COMMD1: variants seen among roughly 807,000 people sequenced by gnomAD.
COMMD1 encodes the protein copper metabolism domain containing 1.
COMMD1 carries 10 observed loss-of-function variants against 17.2 expected under a neutral mutation model. That is an observed-to-expected ratio of 0.58 (90% CI 0.36 to 0.99). The LOEUF is 0.99. Ranked by LOEUF, COMMD1 falls within the 50% of genes least tolerant of loss-of-function variation. The pLI, the probability that COMMD1 is intolerant of heterozygous loss-of-function variation, is 0.01. For missense variants in COMMD1, 270 were observed against 231.8 expected (o/e 1.17, Z -1.07); for synonymous variants, 97 against 91.6 (o/e 1.06, Z -0.34).
In COMMD1 at chr2:62,132,602, T is replaced by C. The variant is rs1410641125; in HGVS notation, c.463-3229T>C. ...GGCTCACGCCTGTAATCCCAGCTCTTTGAAGGCCAAGGCAGGCAGATCACT... is the reference window on the plus strand; with the variant it reads ...GGCTCACGCCTGTAATCCCAGCTCTCTGAAGGCCAAGGCAGGCAGATCACT... On this transcript the variant is annotated intron_variant, in intron 2 of 2. Transcript: ENST00000311832. Among the ~76,000 whole-genome samples the C allele has an allele frequency of 3.9e-5, 6 of 152,252 alleles. No individual in the cohort carries two copies. In the East Asian group the frequency reaches 5.8e-4, roughly 15 times the overall value.
At chr2:62,021,355 C>T (rs1489319906) in intron 2 of COMMD1, among the ~76,000 whole-genome samples, 1 of 151,286 alleles carries the variant, frequency 6.6e-6, no homozygotes, top group African/African-American at 2.4e-5. Context: ...GTAGACTTGG[C>T]AAAATGAGAG....
chr2:62,019,043 CTCCT>C (rs1201237465), intron 2 of COMMD1, among the ~76,000 whole-genome samples: 2 of 144,722 alleles, frequency 1.4e-5, no homozygotes, highest in African/African-American at 5.3e-5. Context: ...CCCTCCCTCC[CTCCT>C]TCCTTCCTTT....
chr2:61,944,787 C>T (rs1245973679), intron 1 of COMMD1, among the ~76,000 whole-genome samples: 1 of 152,092 alleles, frequency 6.6e-6, no homozygotes. Flanking sequence ...CAAGTGGTGC[C>T]TTTGTTCTGA....
intron 1 of COMMD1, among the ~76,000 whole-genome samples, chr2:61,992,415 A>G (rs1672274273): frequency 6.6e-6 from 1 of 152,168 alleles, no homozygotes. Flanking sequence ...GTCAGATGGG[A>G]CATTGCAAAG....
chr2:61,932,913 A>T (rs1670506000), intron 1 of COMMD1, among the ~76,000 whole-genome samples: 1 of 152,168 alleles, frequency 6.6e-6, no homozygotes. Flanking sequence ...CCAAGTGCCA[A>T]CCAGCTCAGT....
At chr2:62,073,080 C>T (rs535932395) in intron 2 of COMMD1, among the ~76,000 whole-genome samples, 15 of 152,332 alleles carry the variant, frequency 9.8e-5, no homozygotes, top group East Asian at 1.9e-4. Flanking sequence ...CTGTGTGGAC[C>T]GCCACATGGG....
Position 61,955,247 on chromosome 2 carries a change from G to A in COMMD1, c.181-45454G>A, listed in dbSNP as rs188192089. 9.0e-4 allele frequency among the ~76,000 whole-genome samples: 137 copies of A among 151,934 alleles called. 1 individual carries two copies. The Middle Eastern group carries it at 0.01, about 11-fold the overall frequency. On this transcript the variant is annotated intron_variant, in intron 1 of 2. Coordinates refer to ENST00000311832, the MANE Select transcript of COMMD1 (RefSeq NM_152516.4). ...CTCATGTCTGTAATCCCAGCACTTC[G>A]GAAGGCTGAGGCAGGAGGATTGCTA... is the stretch of plus-strand genomic sequence containing the variant.
chr2:62,093,227 A>T (rs1456888069), intron 2 of COMMD1, among the ~76,000 whole-genome samples: 2 of 152,216 alleles, frequency 1.3e-5, no homozygotes, highest in African/African-American at 4.8e-5. Context: ...CGGCATCTGG[A>T]TAAACTCCAA....
intron 2 of COMMD1, among the ~76,000 whole-genome samples, chr2:62,115,013 ATTG>A: frequency 6.6e-6 from 1 of 152,282 alleles, no homozygotes. Flanking sequence ...ATTTTTTAAT[ATTG>A]TTGAGTATGA....
rs55934810 is a variant in COMMD1 at position 61,905,862 on chromosome 2, C to T, written c.180+4C>T. On this transcript the variant is annotated splice_donor_region_variant and intron_variant, in intron 1 of 2. Transcript: ENST00000311832. ...AAAGATGAGGGGGATTCTTAAGGTA[C>T]TGCTCTTTTCTGTAGTCTCCGGCTT... The T allele has an allele frequency of 0.013, 20,609 of 1,614,018 alleles. 166 individuals carry two copies. Among genetic ancestry groups the T allele is most frequent in the Non-Finnish European group, 0.015 (17,502 of 1,179,876 alleles).
intron 2 of COMMD1, among the ~76,000 whole-genome samples, chr2:62,034,901 T>G (rs1670000248): frequency 6.6e-6 from 1 of 152,258 alleles, no homozygotes; most frequent in African/African-American, 2.4e-5. Flanking sequence ...GTTAGCAGCA[T>G]GAGGCTCAAA....
At chr2:62,111,773 C>T (rs1672462523) in intron 2 of COMMD1, among the ~76,000 whole-genome samples, 1 of 152,140 alleles carries the variant, frequency 6.6e-6, no homozygotes, top group Admixed American at 6.5e-5. Context: ...TCAAAGTACT[C>T]ACCATGCCAA....
chr2:62,081,086 G>A (rs1671503533), intron 2 of COMMD1, among the ~76,000 whole-genome samples: 1 of 151,876 alleles, frequency 6.6e-6, no homozygotes. Flanking sequence ...TTTAGGATTA[G>A]GATTTCTGTT....
At chr2:62,015,897 A>G (rs999824910) in intron 2 of COMMD1, among the ~76,000 whole-genome samples, 10 of 151,906 alleles carry the variant, frequency 6.6e-5, no homozygotes, top group African/African-American at 2.2e-4. Flanking sequence ...CAGTGGTGCA[A>G]TCTTGGCTCA....
chr2:61,905,668 C>T (rs749158831), upstream of COMMD1: 91 of 1,541,722 alleles, frequency 5.9e-5, no homozygotes, highest in Non-Finnish European at 7.0e-5. Context: ...GGGGCGGGGC[C>T]TTCGCAGAGC....
chr2:62,110,625 T>A (rs1345530094), intron 2 of COMMD1, among the ~76,000 whole-genome samples: 1 of 152,144 alleles, frequency 6.6e-6, no homozygotes, highest in Non-Finnish European at 1.5e-5. Context: ...TACATGAAGT[T>A]GAGACAATTA....
chr2:62,109,761 C>T (rs1393143085), intron 2 of COMMD1, among the ~76,000 whole-genome samples: 1 of 152,048 alleles, frequency 6.6e-6, no homozygotes, highest in East Asian at 1.9e-4. Context: ...ACTCCACTAA[C>T]CCTAACAACT....
chr2:61,982,854 C>A (rs1327479478), intron 1 of COMMD1, among the ~76,000 whole-genome samples: 1 of 152,160 alleles, frequency 6.6e-6, no homozygotes, highest in Non-Finnish European at 1.5e-5. Flanking sequence ...ACCATCCTAG[C>A]ATTCCTGGGA....
chr2:62,128,952 A>T (rs1167095885), intron 2 of COMMD1, among the ~76,000 whole-genome samples: 9 of 55,364 alleles, frequency 1.6e-4, no homozygotes, highest in African/African-American at 1.2e-3. Flanking sequence ...ACTCCATCTA[A>T]AAAAAAAAAA....
Sources: gnomAD v4.1 joint callset for allele counts (sites outside exome capture counted in the v4.1 genomes callset) on GRCh38, gnomAD v4.1.1 for gene constraint, MANE v1.5 for transcripts, NCBI Gene and HGNC (gene_info 2026-07-23, HGNC 2026-07-21) for gene names.